Variants in SND1 observed in about 807,000 individuals in gnomAD.
SND1 encodes staphylococcal nuclease and tudor domain containing 1.
A neutral mutation model predicts 121.7 loss-of-function variants in SND1; 38 were observed. That is an observed-to-expected ratio of 0.31 (90% CI 0.24 to 0.41). SND1 has a LOEUF of 0.41. Ranked by LOEUF, SND1 falls within the 10% of genes least tolerant of loss-of-function variation. SND1 has a pLI of 1.00. For missense variants in SND1, 868 were observed against 1,184.6 expected, an observed-to-expected ratio of 0.73 and a Z score of 3.92; for synonymous variants, 401 against 447.4, an observed-to-expected ratio of 0.90 and a Z score of 1.31.
chr7:127,749,043 G>GT (rs5887354), intron 10 of SND1, among the ~76,000 whole-genome samples: 52,054 of 116,500 alleles, frequency 0.45, 12,847 homozygotes, highest in East Asian at 0.78. Context: ...TTTTTCTTTC[G>GT]TTTTTTTTTT....
rs963431579 is a variant in SND1 at position 127,983,737 on chromosome 7, T to G, written c.1670-7210T>G. Among the ~76,000 whole-genome samples the G allele has an allele frequency of 3.3e-5, 5 of 152,168 alleles. No individual in the cohort carries two copies. In the East Asian group the frequency reaches 7.7e-4, roughly 23 times the overall value. On this transcript the variant is annotated intron_variant, in intron 15 of 23. Coordinates refer to ENST00000354725, the MANE Select transcript of SND1 (RefSeq NM_014390.4). ...TGAATATTATTAATTTGCCTAAATATATAAAATGAAATCACAATTCACTGG... is the reference window on the plus strand; with the variant it reads ...TGAATATTATTAATTTGCCTAAATAGATAAAATGAAATCACAATTCACTGG...
At position 127,707,921 on chromosome 7, in the gene SND1, T is replaced by C. The variant is rs573428658; in HGVS notation, c.1038+274T>C. Among the ~76,000 whole-genome samples the C allele has an allele frequency of 7.4e-4, 112 of 152,264 alleles. 3 individuals are homozygous for C. The South Asian group carries it at 0.022, about 30-fold the overall frequency. ...CATAGTTTAGGACTTCTTTTTTATC[T>C]GCCTAGCAAATAGCATTATCTTAAG... On this transcript the variant is annotated intron_variant, in intron 9 of 23. Coordinates refer to ENST00000354725, the MANE Select transcript of SND1 (RefSeq NM_014390.4).
intron 15 of SND1, among the ~76,000 whole-genome samples, chr7:127,942,247 G>A (rs1801229697): frequency 6.6e-6 from 1 of 152,080 alleles, no homozygotes; most frequent in South Asian, 2.1e-4. Flanking sequence ...GCCTTCAAGG[G>A]TCTTATTTTT....
At chr7:127,803,264 C>T (rs748413559) in intron 10 of SND1, among the ~76,000 whole-genome samples, 4 of 152,114 alleles carry the variant, frequency 2.6e-5, no homozygotes, top group Non-Finnish European at 4.4e-5. Context: ...CTCAGTGCGG[C>T]CTGCCCTGAT....
At chr7:127,696,704 G>A (rs1796011760) in intron 3 of SND1, among the ~76,000 whole-genome samples, 1 of 152,166 alleles carries the variant, frequency 6.6e-6, no homozygotes, top group Non-Finnish European at 1.5e-5. Context: ...CAGCCAAAAT[G>A]GCCAAATTGT....
At chr7:127,798,401 G>A (rs1453581443) in intron 10 of SND1, among the ~76,000 whole-genome samples, 2 of 152,152 alleles carry the variant, frequency 1.3e-5, no homozygotes, top group Non-Finnish European at 2.9e-5. Context: ...TCCTGTCATG[G>A]CCAGGTTGGT....
At chr7:128,066,269 C>A (rs1454823559) in intron 16 of SND1, among the ~76,000 whole-genome samples, 1 of 152,226 alleles carries the variant, frequency 6.6e-6, no homozygotes, top group African/African-American at 2.4e-5. Flanking sequence ...AGCCAGCTCA[C>A]CCACAGCACA....
In SND1 at chr7:128,029,605, C is replaced by T; in HGVS notation, c.1779+38549C>T. ...AAGGGGGCAGAGCACTGGAAGGAGG[C>T]CTGGTCCACCTCCACGAGGTAGCGG... On this transcript the variant is annotated intron_variant, in intron 16 of 23. Transcript: ENST00000354725. This position sits in a 1 kb window ranked among gnomAD's most constrained non-coding sequence, Gnocchi z 4.2. The T allele has an allele frequency of 6.2e-7, 1 of 1,614,000 alleles. No homozygotes were observed. Among genetic ancestry groups the T allele is most frequent in the Non-Finnish European group, 8.5e-7 (1 of 1,180,026 alleles).
intron 9 of SND1, 117 bp downstream of exon 9, chr7:127,707,764 G>A: frequency 1.8e-6 from 1 of 558,182 alleles, no homozygotes; most frequent in South Asian, 1.9e-5. Flanking sequence ...CAAGCCAGTA[G>A]GAGTGTGTGT....
At chr7:127,903,579 G>A (rs528503433) in intron 13 of SND1, among the ~76,000 whole-genome samples, 1 of 152,300 alleles carries the variant, frequency 6.6e-6, no homozygotes, top group East Asian at 1.9e-4. Flanking sequence ...CTGGGATGAA[G>A]CAAGGGGGCT....
At chr7:127,920,737 G>A (rs1305137761) in intron 14 of SND1, among the ~76,000 whole-genome samples, 2 of 151,436 alleles carry the variant, frequency 1.3e-5, no homozygotes, top group Non-Finnish European at 2.9e-5. Flanking sequence ...TTGAAGACAG[G>A]AAGAAAGCAA....
intron 13 of SND1, among the ~76,000 whole-genome samples, chr7:127,900,154 G>A (rs1314726278): frequency 2.6e-5 from 4 of 152,130 alleles, no homozygotes; most frequent in Non-Finnish European, 4.4e-5. Flanking sequence ...ACTTTAGGGT[G>A]GATCAGAGAT....
chr7:127,996,612 G>T (rs1802663376), intron 16 of SND1, among the ~76,000 whole-genome samples: 1 of 152,222 alleles, frequency 6.6e-6, no homozygotes, highest in African/African-American at 2.4e-5. Context: ...GACGCCCAGT[G>T]AGGGTGAATC....
At chr7:128,072,826 G>A (rs1288605567) in intron 16 of SND1, among the ~76,000 whole-genome samples, 1 of 152,196 alleles carries the variant, frequency 6.6e-6, no homozygotes, top group African/African-American at 2.4e-5. Flanking sequence ...TGAAACCTGA[G>A]CAACCTCAGA....
intron 16 of SND1, among the ~76,000 whole-genome samples, chr7:128,049,064 G>A (rs567378141): frequency 2.4e-4 from 37 of 152,252 alleles, no homozygotes; most frequent in African/African-American, 8.2e-4. Flanking sequence ...AGGTAGAAAT[G>A]GGGCCAGAAC....
intron 8 of SND1, among the ~76,000 whole-genome samples, chr7:127,705,720 A>G (rs1010424961): frequency 1.3e-5 from 2 of 152,150 alleles, no homozygotes; most frequent in Non-Finnish European, 1.5e-5. Flanking sequence ...GATGCTCGGG[A>G]AAGTCTGAAT....
intron 15 of SND1, among the ~76,000 whole-genome samples, chr7:127,960,569 ATAAT>A (rs1312019108): frequency 6.6e-6 from 1 of 152,208 alleles, no homozygotes; most frequent in East Asian, 1.9e-4. Context: ...GTAATGATGA[ATAAT>A]TAATAAAGTG....
chr7:128,082,980 C>T (rs1391093546), intron 18 of SND1, among the ~76,000 whole-genome samples: 1 of 152,168 alleles, frequency 6.6e-6, no homozygotes, highest in South Asian at 2.1e-4. Flanking sequence ...GAGTGAGGCC[C>T]TTCCTGGCAG....
At chr7:128,050,539 T>C (rs1793027632) in intron 16 of SND1, among the ~76,000 whole-genome samples, 1 of 152,246 alleles carries the variant, frequency 6.6e-6, no homozygotes, top group African/African-American at 2.4e-5. Flanking sequence ...ATCTGGGAGC[T>C]AGACCCCAAA....
Sources: allele counts gnomAD v4.1 joint callset (sites outside exome capture counted in the v4.1 genomes callset), GRCh38; gene constraint gnomAD v4.1.1; non-coding constraint Gnocchi (gnomAD v3.1); transcripts MANE v1.5; gene names NCBI Gene and HGNC (gene_info 2026-07-23, HGNC 2026-07-21).